Variants in MACROD2 observed in about 807,000 individuals in gnomAD.
MACROD2 encodes the protein ADP-ribose glycohydrolase MACROD2.
MACROD2 carries 36 observed loss-of-function variants against 70.4 expected under a neutral mutation model. The ratio of observed to expected loss-of-function variants is 0.51; its 90% CI spans 0.39 to 0.68. The LOEUF is 0.68. Among genes scored for constraint, MACROD2 ranks in the 30% least tolerant of loss-of-function variants. The probability of loss-of-function intolerance (pLI) is 0.00; values close to 1 mark genes in which losing one functional copy is unlikely to be tolerated. For missense variants in MACROD2, 496 were observed against 538.4 expected, an observed-to-expected ratio of 0.92 and a Z score of 0.78; for synonymous variants, 172 against 178.8, an observed-to-expected ratio of 0.96 and a Z score of 0.30.
chr20:14,631,864 T>C (rs971672040), intron 4 of MACROD2: 1 of 152,238 alleles, frequency 6.6e-6, no homozygotes, highest in African/African-American at 2.4e-5. Context: ...TTACATGCCA[T>C]TGACAATCTT....
intron 6 of MACROD2, among the ~76,000 whole-genome samples, chr20:15,269,454 A>T (rs957030352): frequency 6.6e-6 from 1 of 152,236 alleles, no homozygotes; most frequent in Non-Finnish European, 1.5e-5. Context: ...TCTTGTCCCT[A>T]ACTGAAAAAT....
intron 13 of MACROD2, among the ~76,000 whole-genome samples, chr20:15,986,218 C>T (rs999913155): frequency 1.6e-4 from 24 of 152,254 alleles, no homozygotes; most frequent in Middle Eastern, 3.4e-3. Flanking sequence ...CAATATAAAG[C>T]GATACGGGAG....
intron 5 of MACROD2, among the ~76,000 whole-genome samples, chr20:15,040,290 G>T (rs2075345607): frequency 1.3e-5 from 2 of 150,896 alleles, no homozygotes; most frequent in African/African-American, 4.9e-5. Flanking sequence ...ACTCCAGCCT[G>T]GGCGACAGAG....
chr20:15,359,448 T>G lies in MACROD2; in HGVS notation c.541-71957T>G, dbSNP rs552340166. Among the ~76,000 whole-genome samples the G allele has an allele frequency of 1.2e-4, 19 of 152,070 alleles. No individual in the cohort carries two copies. The South Asian group carries it at 3.9e-3, about 32-fold the overall frequency. The stretch of plus-strand genomic sequence containing the variant: ...CTCCCAAAGTAGTCAGCTTAAGGAT[T>G]GTTTAAAAGAAATGCAATCTAAATA... On this transcript the variant is annotated intron_variant, in intron 6 of 17. Transcript: ENST00000684519.
chr20:14,365,920 T>A (rs2083267546), intron 3 of MACROD2, among the ~76,000 whole-genome samples: 1 of 152,204 alleles, frequency 6.6e-6, no homozygotes, highest in South Asian at 2.1e-4. Flanking sequence ...CCAGTTTTTC[T>A]TCTGTTATTG....
At chr20:14,514,702 G>A (rs2085071869) in intron 4 of MACROD2, among the ~76,000 whole-genome samples, 1 of 152,050 alleles carries the variant, frequency 6.6e-6, no homozygotes, top group Admixed American at 6.6e-5. Flanking sequence ...CAGGAGCAAA[G>A]CTGCTCTAGT....
intron 12 of MACROD2, 144 bp downstream of exon 12, chr20:15,937,688 A>C (rs1601170687): frequency 1.7e-6 from 1 of 605,266 alleles, no homozygotes. Context: ...TGACTACACC[A>C]CCTACTCTCT....
chr20:14,880,935 C>T (rs574538683), intron 5 of MACROD2, among the ~76,000 whole-genome samples: 48 of 152,230 alleles, frequency 3.2e-4, no homozygotes, highest in African/African-American at 1.0e-3. Flanking sequence ...CACAGTGCCC[C>T]TATCCCTGCC....
At chr20:14,433,414 G>T (rs1254013906) in intron 3 of MACROD2, among the ~76,000 whole-genome samples, 1 of 152,066 alleles carries the variant, frequency 6.6e-6, no homozygotes, top group African/African-American at 2.4e-5. Context: ...TAATTTTCTA[G>T]TATGACCAAT....
intron 3 of MACROD2, among the ~76,000 whole-genome samples, chr20:14,223,950 G>A (rs77367684): frequency 0.014 from 2,203 of 152,272 alleles, 23 homozygotes; most frequent in African/African-American, 0.026. Context: ...GCAGGCTGGA[G>A]ACCTGAGAAA....
intron 6 of MACROD2, among the ~76,000 whole-genome samples, chr20:15,233,325 T>A (rs1298546596): frequency 6.6e-6 from 1 of 152,084 alleles, no homozygotes; most frequent in Non-Finnish European, 1.5e-5. Context: ...ATGATAAAAG[T>A]ACTGAGCACC....
At chr20:14,202,515 G>T (rs2081487518) in intron 3 of MACROD2, among the ~76,000 whole-genome samples, 1 of 152,146 alleles carries the variant, frequency 6.6e-6, no homozygotes. Context: ...CATAATTACT[G>T]AATGAATCTC....
intron 5 of MACROD2, among the ~76,000 whole-genome samples, chr20:15,053,621 A>ACCC (rs1424751652): frequency 6.6e-6 from 1 of 152,242 alleles, no homozygotes; most frequent in African/African-American, 2.4e-5. Context: ...TGCATCTGGT[A>ACCC]ACCCAAGAGC....
rs561531159 is a variant in MACROD2 at position 15,607,523 on chromosome 20, ATGTT to A, written c.645+107686_645+107689del. On this transcript the variant is annotated intron_variant, in intron 8 of 17. Coordinates refer to ENST00000684519, the MANE Select transcript of MACROD2 (RefSeq NM_001351661.2). The stretch of plus-strand genomic sequence containing the variant: ...AATCTCATGCATTATGTCAGTAGAG[ATGTT>A]TGTTTGTTTATTTATTTATTTTTTG... 7.4e-4 allele frequency among the ~76,000 whole-genome samples: 112 copies of A among 152,084 alleles called. 3 individuals are homozygous for A. The South Asian group carries it at 0.022, about 29-fold the overall frequency.
intron 3 of MACROD2, among the ~76,000 whole-genome samples, chr20:14,175,253 T>G: frequency 6.6e-6 from 1 of 152,178 alleles, no homozygotes; most frequent in Non-Finnish European, 1.5e-5. Context: ...CTACTGCTCT[T>G]GTTTATGTTT....
chr20:15,243,838 A>G (rs1287546803), intron 6 of MACROD2, among the ~76,000 whole-genome samples: 2 of 151,924 alleles, frequency 1.3e-5, no homozygotes, highest in Non-Finnish European at 2.9e-5. Flanking sequence ...AGGCAGGAGA[A>G]TGGCGTGAAT....
intron 8 of MACROD2, among the ~76,000 whole-genome samples, chr20:15,598,121 C>T (rs946077522): frequency 6.6e-6 from 1 of 152,194 alleles, no homozygotes; most frequent in African/African-American, 2.4e-5. Flanking sequence ...AGGATGACCA[C>T]ACCCCACTTT....
chr20:15,812,468 A>T (rs1170753097), intron 8 of MACROD2, among the ~76,000 whole-genome samples: 1 of 152,182 alleles, frequency 6.6e-6, no homozygotes, highest in African/African-American at 2.4e-5. Context: ...CTGACAATAA[A>T]GAAGGCCCGG....
chr20:14,497,405 A>T (rs960821297), intron 4 of MACROD2, among the ~76,000 whole-genome samples: 2 of 151,870 alleles, frequency 1.3e-5, no homozygotes, highest in Non-Finnish European at 1.5e-5. Context: ...AATATAAATC[A>T]TTGTAGCCAG....
Sources: allele counts gnomAD v4.1 joint callset (sites outside exome capture counted in the v4.1 genomes callset), GRCh38; gene constraint gnomAD v4.1.1; transcripts MANE v1.5; gene names NCBI Gene and HGNC (gene_info 2026-07-23, HGNC 2026-07-21).